The following KIF16B variants were observed in gnomAD, a reference collection of about 807,000 sequenced individuals.
The protein encoded by KIF16B is kinesin family member 16B.
In KIF16B, 98 loss-of-function variants were observed where a neutral mutation model predicts 156.3. That is an observed-to-expected ratio of 0.63 (90% CI 0.53 to 0.74). The LOEUF is 0.74. KIF16B is among the 30% of genes least tolerant of loss of function. The probability of loss-of-function intolerance (pLI) is 0.00; values close to 1 mark genes in which losing one functional copy is unlikely to be tolerated. For synonymous variants in KIF16B, 564 were observed against 583.7 expected (o/e 0.97, Z 0.49); for missense variants, 1,421 against 1,606.5 (o/e 0.88, Z 1.97).
chr20:16,301,899 C>T (rs1350423760), intron 25 of KIF16B, among the ~76,000 whole-genome samples: 1 of 152,180 alleles, frequency 6.6e-6, no homozygotes, highest in Non-Finnish European at 1.5e-5. Context: ...ATCTGCCTGC[C>T]TCGGCCTCTC....
intron 12 of KIF16B, among the ~76,000 whole-genome samples, chr20:16,471,262 G>GA (rs916627730): frequency 2.6e-5 from 4 of 152,090 alleles, no homozygotes; most frequent in Non-Finnish European, 4.4e-5. Flanking sequence ...GGGCAACACT[G>GA]AAAAAATTCC....
At chr20:16,417,888 G>A (rs1367506427) in intron 15 of KIF16B, among the ~76,000 whole-genome samples, 2 of 152,034 alleles carry the variant, frequency 1.3e-5, no homozygotes, top group African/African-American at 4.8e-5. Context: ...AAGGAACTGT[G>A]AGACAATAGT....
Position 16,380,041 on chromosome 20 carries a change from T to C in KIF16B, c.1961A>G (p.Gln654Arg). ...GCTGCGGCGTTTGAGGCTCTCCTCC[T>C]GCTTGCGAATCTGGAGCTGCACGAT... The part of the protein sequence containing the change: ...TEIVQLQIRK[Q>R]EESLKRRSFH... Residue 654 changes from glutamine (Q) to arginine (R), a missense_variant, in exon 19 of 26, where the codon CAG becomes CGG. Physicochemically the swap from Gln to Arg is conservative, Grantham distance 43. Coordinates refer to ENST00000354981, the MANE Select transcript of KIF16B (RefSeq NM_024704.5). The C allele has an allele frequency of 1.3e-6, 2 of 1,580,176 alleles. No homozygotes were observed. Among genetic ancestry groups the C allele is most frequent in the South Asian group, 1.2e-5 (1 of 84,366 alleles).
intron 12 of KIF16B, among the ~76,000 whole-genome samples, chr20:16,457,718 T>C (rs1412215826): frequency 6.6e-6 from 1 of 151,988 alleles, no homozygotes; most frequent in African/African-American, 2.4e-5. Context: ...TCCAGCTCAG[T>C]GTGTTTATAA....
intron 11 of KIF16B, among the ~76,000 whole-genome samples, chr20:16,495,405 C>G (rs935564053): frequency 3.3e-5 from 5 of 152,146 alleles, no homozygotes; most frequent in Non-Finnish European, 7.4e-5. Flanking sequence ...AGGCAGCAAA[C>G]TTAATGAAAG....
At chr20:16,491,789 A>C (rs2068300181) in intron 12 of KIF16B, among the ~76,000 whole-genome samples, 1 of 152,060 alleles carries the variant, frequency 6.6e-6, no homozygotes, top group Non-Finnish European at 1.5e-5. Context: ...CACCCACCCC[A>C]CAGTCTTTCA....
intron 25 of KIF16B, among the ~76,000 whole-genome samples, chr20:16,291,705 C>A (rs1468861367): frequency 6.6e-6 from 1 of 152,142 alleles, no homozygotes; most frequent in Non-Finnish European, 1.5e-5. Context: ...CATTGCCTTT[C>A]AAAGTAAGAA....
intron 23 of KIF16B, among the ~76,000 whole-genome samples, chr20:16,351,340 C>T (rs747070794): frequency 3.9e-5 from 6 of 152,112 alleles, no homozygotes; most frequent in Non-Finnish European, 7.4e-5. Context: ...TTCCCAGGCC[C>T]GTGTTTTGTG....
intron 1 of KIF16B, among the ~76,000 whole-genome samples, chr20:16,544,854 G>GACGA (rs2070345354): frequency 6.6e-6 from 1 of 151,868 alleles, no homozygotes; most frequent in African/African-American, 2.4e-5. Context: ...GCAAACACTT[G>GACGA]ATGAATGAAT....
intron 24 of KIF16B, among the ~76,000 whole-genome samples, chr20:16,314,620 A>T (rs2122729737): frequency 6.6e-6 from 1 of 152,352 alleles, no homozygotes; most frequent in Non-Finnish European, 1.5e-5. Flanking sequence ...TCTGAGCCCG[A>T]GTATTCTCTG....
intron 12 of KIF16B, among the ~76,000 whole-genome samples, chr20:16,456,049 G>A (rs900219322): frequency 6.6e-6 from 1 of 151,692 alleles, no homozygotes; most frequent in Non-Finnish European, 1.5e-5. Flanking sequence ...CTTCAATACG[G>A]TATTTTTCCA....
At chr20:16,282,331 C>T (rs191905480) in intron 25 of KIF16B, among the ~76,000 whole-genome samples, 70 of 151,052 alleles carry the variant, frequency 4.6e-4, no homozygotes, top group Non-Finnish European at 8.1e-4. Flanking sequence ...TCGCGCCTGA[C>T]GGTGCTGGGC....
intron 25 of KIF16B, among the ~76,000 whole-genome samples, chr20:16,308,591 A>T (rs1159211736): frequency 6.6e-6 from 1 of 152,268 alleles, no homozygotes; most frequent in Non-Finnish European, 1.5e-5. Flanking sequence ...CCCAAGACAT[A>T]GGCCTTCACC....
chr20:16,384,493 A>G (rs1345770984), intron 17 of KIF16B, among the ~76,000 whole-genome samples: 1 of 152,218 alleles, frequency 6.6e-6, no homozygotes, highest in Non-Finnish European at 1.5e-5. Flanking sequence ...ATGAAGCTCA[A>G]GAGGACAACA....
At chr20:16,549,544 G>A (rs1419201946) in intron 1 of KIF16B, among the ~76,000 whole-genome samples, 1 of 152,026 alleles carries the variant, frequency 6.6e-6, no homozygotes, top group Non-Finnish European at 1.5e-5. Context: ...ATAGTCCTTT[G>A]GGTATATACC....
chr20:16,470,784 A>T (rs1425090528), intron 12 of KIF16B, among the ~76,000 whole-genome samples: 3 of 151,762 alleles, frequency 2.0e-5, no homozygotes, highest in Non-Finnish European at 4.4e-5. Flanking sequence ...GGCATGAACC[A>T]ATGCACATGG....
At chr20:16,359,399 C>A (rs1204248178) in intron 22 of KIF16B, among the ~76,000 whole-genome samples, 1 of 152,216 alleles carries the variant, frequency 6.6e-6, no homozygotes, top group Non-Finnish European at 1.5e-5. Flanking sequence ...GCTTCCCCTT[C>A]ACCTTCCACC....
chr20:16,330,628 C>A (rs1397462017), intron 24 of KIF16B, among the ~76,000 whole-genome samples: 1 of 152,190 alleles, frequency 6.6e-6, no homozygotes, highest in Non-Finnish European at 1.5e-5. Flanking sequence ...ATTCTGGAAA[C>A]CTGATAAGGT....
intron 16 of KIF16B, among the ~76,000 whole-genome samples, chr20:16,405,491 G>C (rs944154452): frequency 1.3e-4 from 20 of 152,190 alleles, no homozygotes; most frequent in Non-Finnish European, 1.5e-5. Flanking sequence ...GAGGTTTGCA[G>C]CTTTCTTGCT....
Sources: gnomAD v4.1 joint callset for allele counts (sites outside exome capture counted in the v4.1 genomes callset) on GRCh38, gnomAD v4.1.1 for gene constraint, MANE v1.5 for transcripts, NCBI Gene and HGNC (gene_info 2026-07-23, HGNC 2026-07-21) for gene names.